Variants in ZEB1 observed in about 807,000 individuals in gnomAD.
ZEB1 encodes zinc finger E-box binding homeobox 1.
A neutral mutation model predicts 84.9 loss-of-function variants in ZEB1; 21 were observed. That is an observed-to-expected ratio of 0.25 (90% CI 0.18 to 0.36). The LOEUF (loss-of-function observed/expected upper bound fraction) is 0.36. Ranked by LOEUF, ZEB1 falls within the 10% of genes least tolerant of loss-of-function variation. ZEB1 has a pLI of 1.00. For synonymous variants in ZEB1, 420 were observed against 471.1 expected (o/e 0.89, Z 1.41); for missense variants, 1,104 against 1,330.2 (o/e 0.83, Z 2.65).
At chr10:31,501,626 C>G (rs1465256976) in intron 3 of ZEB1, among the ~76,000 whole-genome samples, 6 of 151,974 alleles carry the variant, frequency 3.9e-5, no homozygotes, top group Admixed American at 1.3e-4. Context: ...AGAGCTCCCC[C>G]CCCCATTATC....
chr10:31,434,368 A>T (rs1319694393), intron 1 of ZEB1, among the ~76,000 whole-genome samples: 1 of 152,238 alleles, frequency 6.6e-6, no homozygotes, highest in Non-Finnish European at 1.5e-5. Flanking sequence ...CAATTTTTAT[A>T]TAACTAGATA....
In ZEB1 at chr10:31,471,286, A is replaced by G. The variant is rs1243236076; in HGVS notation, c.259+10049A>G. 3.3e-5 allele frequency among the ~76,000 whole-genome samples: 4 copies of G among 120,550 alleles called. No individual in the cohort carries two copies. The Admixed American group carries it at 3.4e-4, about 10-fold the overall frequency. 79.1% of individuals were successfully genotyped at this position (120,550 alleles called of 152,430 possible). On this transcript the variant is annotated intron_variant, in intron 2 of 8. Coordinates refer to ENST00000424869, the MANE Select transcript of ZEB1 (RefSeq NM_001174096.2). The stretch of plus-strand genomic sequence containing the variant: ...AGACTGGCAAATTGGATAAAGAGTC[A>G]AGACCCATCAGTGTGCTGTATTCAG...
intron 1 of ZEB1, among the ~76,000 whole-genome samples, chr10:31,437,265 T>G (rs767128252): frequency 2.0e-5 from 3 of 152,188 alleles, no homozygotes; most frequent in Non-Finnish European, 2.9e-5. Context: ...TTCATGTATA[T>G]TACTCATATT....
At chr10:31,338,297 A>G (rs1355125762) in intron 1 of ZEB1, among the ~76,000 whole-genome samples, 1 of 152,214 alleles carries the variant, frequency 6.6e-6, no homozygotes, top group Non-Finnish European at 1.5e-5. Context: ...TATTCTCAAT[A>G]TCGTTAAAAT....
chr10:31,507,646 G>A (rs1274191544), intron 4 of ZEB1, among the ~76,000 whole-genome samples: 2 of 151,388 alleles, frequency 1.3e-5, no homozygotes, highest in Non-Finnish European at 2.9e-5. Context: ...TCTTTCATTC[G>A]GTGAATTCTT....
intron 1 of ZEB1, among the ~76,000 whole-genome samples, chr10:31,455,522 G>T (rs887064004): frequency 1.4e-4 from 21 of 151,818 alleles, no homozygotes; most frequent in African/African-American, 5.1e-4. Context: ...ATCTGACAAA[G>T]GGCTAATATC....
chr10:31,400,961 T>A (rs1020041202), intron 1 of ZEB1, among the ~76,000 whole-genome samples: 2 of 152,224 alleles, frequency 1.3e-5, no homozygotes, highest in African/African-American at 4.8e-5. Context: ...ATAGTCTTTT[T>A]AAATGACTAA....
At chr10:31,474,916 A>G (rs1038057786) in intron 2 of ZEB1, among the ~76,000 whole-genome samples, 3 of 152,180 alleles carry the variant, frequency 2.0e-5, no homozygotes, top group Non-Finnish European at 4.4e-5. Context: ...TTGTAGGGAC[A>G]TGGATGAAAT....
intron 1 of ZEB1, among the ~76,000 whole-genome samples, chr10:31,367,797 C>T (rs1423416479): frequency 1.3e-5 from 2 of 152,164 alleles, no homozygotes; most frequent in African/African-American, 4.8e-5. Flanking sequence ...AACAACTAGA[C>T]CTAAATATAG....
chr10:31,422,156 G>C (rs1010932889), intron 1 of ZEB1, among the ~76,000 whole-genome samples: 1 of 152,144 alleles, frequency 6.6e-6, no homozygotes, highest in Non-Finnish European at 1.5e-5. Flanking sequence ...TAGATGTTTT[G>C]AATGGGGCAA....
At chr10:31,391,795 A>G (rs2049786389) in intron 1 of ZEB1, among the ~76,000 whole-genome samples, 1 of 152,152 alleles carries the variant, frequency 6.6e-6, no homozygotes, top group South Asian at 2.1e-4. Flanking sequence ...CCTTGGATGG[A>G]TTTCAGAGAT....
At chr10:31,449,386 G>A (rs971898999) in intron 1 of ZEB1, among the ~76,000 whole-genome samples, 16 of 152,204 alleles carry the variant, frequency 1.1e-4, no homozygotes, top group Admixed American at 6.5e-4. Context: ...CGTCGCTCAC[G>A]CTGGGAGCTG....
At chr10:31,436,478 C>G (rs2058309765) in intron 1 of ZEB1, among the ~76,000 whole-genome samples, 1 of 151,956 alleles carries the variant, frequency 6.6e-6, no homozygotes, top group African/African-American at 2.4e-5. Context: ...GTAACCTGTT[C>G]AGAGCATGTC....
chr10:31,454,522 T>A (rs1235404372), intron 1 of ZEB1, among the ~76,000 whole-genome samples: 1 of 152,114 alleles, frequency 6.6e-6, no homozygotes, highest in Non-Finnish European at 1.5e-5. Flanking sequence ...AGAAAACCCC[T>A]TTGTCTCAGC....
chr10:31,453,813 C>T (rs981658425), intron 1 of ZEB1, among the ~76,000 whole-genome samples: 2 of 152,048 alleles, frequency 1.3e-5, no homozygotes, highest in Non-Finnish European at 1.5e-5. Context: ...GATTCACAGC[C>T]GAATTCTACC....
intron 3 of ZEB1, 145 bp from the exon 4 acceptor site, chr10:31,502,203 A>C: frequency 1.2e-6 from 1 of 805,922 alleles, no homozygotes; most frequent in Admixed American, 2.7e-5. Flanking sequence ...AAATGAGTGG[A>C]ATTCATTTTT....
At chr10:31,378,540 T>C (rs936274742) in intron 1 of ZEB1, among the ~76,000 whole-genome samples, 7 of 151,546 alleles carry the variant, frequency 4.6e-5, no homozygotes, top group South Asian at 4.1e-4. Flanking sequence ...AAAGATACAA[T>C]TATGTAATAT....
intron 3 of ZEB1, among the ~76,000 whole-genome samples, chr10:31,496,451 C>G (rs1393536967): frequency 6.6e-6 from 1 of 151,932 alleles, no homozygotes; most frequent in Non-Finnish European, 1.5e-5. Flanking sequence ...AAGGCTATTC[C>G]TCTGTAATGG....
chr10:31,320,663 G>GT (rs2033721013), intron 1 of ZEB1: 1 of 152,264 alleles, frequency 6.6e-6, no homozygotes, highest in Non-Finnish European at 1.5e-5. Context: ...TGTGGTGGTG[G>GT]TTGCACAGTC....
Sources: allele counts gnomAD v4.1 joint callset (sites outside exome capture counted in the v4.1 genomes callset), GRCh38; gene constraint gnomAD v4.1.1; transcripts MANE v1.5; gene names NCBI Gene and HGNC (gene_info 2026-07-23, HGNC 2026-07-21).